Variants in DDX43 observed in about 807,000 individuals in gnomAD.
The protein encoded by DDX43 is DEAD-box helicase 43, also known as probable ATP-dependent RNA helicase DDX43.
DDX43 carries 50 observed loss-of-function variants against 84.9 expected under a neutral mutation model. That is an observed-to-expected ratio of 0.59 (90% confidence interval 0.47 to 0.75). The LOEUF is 0.75. DDX43 is among the 30% of genes least tolerant of loss of function. The pLI is 0.00. For synonymous variants in DDX43, 291 were observed against 266.3 expected, an observed-to-expected ratio of 1.09 and a Z score of -0.90; for missense variants, 689 against 798.6, an observed-to-expected ratio of 0.86 and a Z score of 1.65.
In DDX43 at chr6:73,404,676, C is replaced by T. The variant is rs765692537; in HGVS notation, c.569-14C>T. ...TAAAATTTATCAAAGTGTGGATTTT[C>T]GCCTTTGTCCCAGATTTACCACCAA... On this transcript the variant is annotated splice_polypyrimidine_tract_variant and intron_variant, in intron 4 of 16. Coordinates refer to ENST00000370336, the MANE Select transcript of DDX43 (RefSeq NM_018665.3). 1.1e-5 allele frequency: 18 copies of T among 1,594,716 alleles called. No homozygotes were observed. The highest frequency in any genetic ancestry group is 7.9e-5 in the South Asian group (7 of 88,478).
intron 13 of DDX43, among the ~76,000 whole-genome samples, 200 bp from the exon 14 acceptor site, chr6:73,414,348 C>T (rs114499616): frequency 0.012 from 1,778 of 152,244 alleles, 35 homozygotes; most frequent in African/African-American, 0.04. Context: ...TGTCATGGTT[C>T]GAAGGGTTTA....
At chr6:73,403,733 T>TC (rs2150792717) in intron 4 of DDX43, among the ~76,000 whole-genome samples, 1 of 152,054 alleles carries the variant, frequency 6.6e-6, no homozygotes, top group African/African-American at 2.4e-5. Flanking sequence ...CATTCCAGCC[T>TC]CCATCTCCCA....
chr6:73,402,036 G>T (rs767499666), intron 4 of DDX43, 46 bp downstream of exon 4: 11 of 1,605,638 alleles, frequency 6.9e-6, no homozygotes, highest in Non-Finnish European at 7.7e-6. Flanking sequence ...TCTGTTAACT[G>T]CAGTTTTTAT....
intron 2 of DDX43, 33 bp downstream of exon 2, chr6:73,397,777 A>G (rs771765848): frequency 3.8e-6 from 6 of 1,581,192 alleles, no homozygotes; most frequent in South Asian, 1.1e-5. Context: ...CCCTTAAGAG[A>G]GCATCATGCA....
At position 73,397,656 on chromosome 6, in the gene DDX43, T is replaced by TA. The variant is rs753194650; in HGVS notation, c.251-32dup. 2.2e-5 allele frequency: 34 copies of TA among 1,547,718 alleles called. No individual in the cohort carries two copies. The African/African-American group carries it at 2.6e-4, about 12-fold the overall frequency. On this transcript the variant is annotated intron_variant, in intron 1 of 16. Transcript: ENST00000370336. ...AATTTTCAACTTACTAATTTCAACT[T>TA]ATAACAATATATTCCTTTATTTTTA...
At chr6:73,412,315 T>C (rs761423021) in intron 11 of DDX43, 23 bp downstream of exon 11, 1 of 1,581,430 alleles carries the variant, frequency 6.3e-7, no homozygotes, top group Non-Finnish European at 8.6e-7. Flanking sequence ...TTATTACTAT[T>C]GTTTAACATT....
chr6:73,399,821 C>G (rs1190370074), intron 2 of DDX43, among the ~76,000 whole-genome samples: 1 of 152,120 alleles, frequency 6.6e-6, no homozygotes, highest in Non-Finnish European at 1.5e-5. Flanking sequence ...AGTGAACTCT[C>G]TATATAGTGC....
chr6:73,412,638 AGTGTGTGTGT>A (rs66577187), intron 11 of DDX43, among the ~76,000 whole-genome samples: 2,504 of 59,502 alleles, frequency 0.042, 193 homozygotes, highest in East Asian at 0.25. Context: ...ATATATATAT[AGTGTGTGTGT>A]GTGTGTGTGT....
chr6:73,401,663 G>A (rs981066570), intron 3 of DDX43, among the ~76,000 whole-genome samples, 196 bp from the exon 4 acceptor site: 3 of 152,006 alleles, frequency 2.0e-5, no homozygotes, highest in Admixed American at 6.6e-5. Flanking sequence ...TTAGCTGGGC[G>A]TTGCGGCGTG....
chr6:73,399,305 A>G (rs1305386589), intron 2 of DDX43, among the ~76,000 whole-genome samples: 1 of 152,192 alleles, frequency 6.6e-6, no homozygotes, highest in Non-Finnish European at 1.5e-5. Context: ...AAAGCCTTTC[A>G]TAGTATCTCA....
intron 4 of DDX43, among the ~76,000 whole-genome samples, chr6:73,404,162 C>T (rs1476228076): frequency 6.6e-6 from 1 of 152,072 alleles, no homozygotes; most frequent in Non-Finnish European, 1.5e-5. Context: ...GTTGCCCAGG[C>T]TGGAGTGCAA....
rs1033469127 is a variant in DDX43, at chr6:73,416,154, G to A, written c.1875G>A (p.Lys625=). 6.9e-6 allele frequency: 11 copies of A among 1,595,280 alleles called. No individual in the cohort carries two copies. The highest frequency in any genetic ancestry group is 9.5e-6 in the Non-Finnish European group (11 of 1,162,878). The change falls in exon 16 of 17, where the codon AAG becomes AAA. Residue 625 remains lysine, a synonymous_variant. Transcript: ENST00000370336. ...TTGTATCAATGGCTGAGAGGTTTAAGGCACATCAACAGAAAAGGGAAATGG... is the reference window on the plus strand; with the variant it reads ...TTGTATCAATGGCTGAGAGGTTTAAAGCACATCAACAGAAAAGGGAAATGG... ...EELVSMAERF[K]AHQQKREMER... is the part of the protein sequence containing the mutation.
At chr6:73,395,326 C>G (rs1260484324) in intron 1 of DDX43, among the ~76,000 whole-genome samples, 171 bp downstream of exon 1, 1 of 152,108 alleles carries the variant, frequency 6.6e-6, no homozygotes, top group Non-Finnish European at 1.5e-5. Flanking sequence ...TTAATCTGGC[C>G]GGGCGCGTTG....
intron 16 of DDX43, among the ~76,000 whole-genome samples, chr6:73,416,774 C>T (rs757852810): frequency 7.0e-4 from 107 of 152,136 alleles, no homozygotes; most frequent in Non-Finnish European, 1.1e-3. Context: ...CAGTGGCTCA[C>T]GCTTTTAATC....
At chr6:73,397,010 A>G (rs1769486195) in intron 1 of DDX43, among the ~76,000 whole-genome samples, 1 of 152,190 alleles carries the variant, frequency 6.6e-6, no homozygotes, top group Admixed American at 6.5e-5. Context: ...CAGTAGTGTT[A>G]TTATGAAAAT....
chr6:73,413,447 G>C (rs993381394), intron 11 of DDX43: 1 of 367,568 alleles, frequency 2.7e-6, no homozygotes, highest in South Asian at 6.4e-5. Flanking sequence ...TTGGTTGAAG[G>C]AATGGTACCA....
chr6:73,395,084 C>T lies in DDX43; in HGVS notation c.179C>T (p.Ala60Val), dbSNP rs11544340. 1.2e-6 allele frequency: 2 copies of T among 1,614,160 alleles called. No individual in the cohort carries two copies. The highest frequency in any genetic ancestry group is 2.2e-5 in the East Asian group (1 of 44,874). ...RWRGTSRPPEAVAAGHEELPL... is the reference protein window; with the variant it reads ...RWRGTSRPPEVVAAGHEELPL... ...AGAGGCACCTCTAGGCCCCCGGAGG[C>T]CGTGGCCGCTGGTCACGAGGAACTG... is the stretch of plus-strand genomic sequence containing the variant. The change falls in exon 1 of 17, where the codon GCC becomes GTC. Residue 60 changes from alanine (A) to valine (V), a missense_variant. By Grantham distance (64) the Ala-to-Val change is moderately conservative. Transcript: ENST00000370336.
At chr6:73,399,753 A>G (rs1016576984) in intron 2 of DDX43, among the ~76,000 whole-genome samples, 2 of 152,202 alleles carry the variant, frequency 1.3e-5, no homozygotes, top group South Asian at 2.1e-4. Context: ...GACAGTATAC[A>G]TGAGTTAAGG....
In DDX43 at chr6:73,399,700, A is replaced by T. The variant is rs149862186; in HGVS notation, c.307-534A>T. Among the ~76,000 whole-genome samples the T allele has an allele frequency of 4.9e-3, 753 of 152,308 alleles. 9 individuals are homozygous for T. Among genetic ancestry groups the T allele is most frequent in the African/African-American group, 0.017 (718 of 41,578 alleles). On this transcript the variant is annotated intron_variant, in intron 2 of 16. Transcript: ENST00000370336. ...GGATGTTGATAGGTGTTACTTGTAG[A>T]TTCTATTCACAAAATGTGTCAGTCT...
Sources: gnomAD v4.1 joint callset for allele counts (sites outside exome capture counted in the v4.1 genomes callset) on GRCh38, gnomAD v4.1.1 for gene constraint, MANE v1.5 for transcripts, NCBI Gene and HGNC (gene_info 2026-07-23, HGNC 2026-07-21) for gene names.